The following RAD21 variants were observed in gnomAD, a reference collection of about 807,000 sequenced individuals.
The protein encoded by RAD21 is double-strand-break repair protein rad21 homolog.
RAD21 carries 18 observed loss-of-function variants against 71.5 expected under a neutral mutation model. That is an observed-to-expected ratio of 0.25 (90% CI 0.17 to 0.37). The LOEUF is 0.37. Ranked by LOEUF, RAD21 falls within the 10% of genes least tolerant of loss-of-function variation. The pLI is 1.00. For synonymous variants in RAD21, 248 were observed against 254.0 expected, an observed-to-expected ratio of 0.98 and a Z score of 0.22; for missense variants, 493 against 769.1, an observed-to-expected ratio of 0.64 and a Z score of 4.25.
intron 8 of RAD21, among the ~76,000 whole-genome samples, chr8:116,855,630 G>T (rs192123836): frequency 1.3e-5 from 2 of 151,952 alleles, no homozygotes; most frequent in East Asian, 3.9e-4. Context: ...CAAACTCCTG[G>T]CCTCAAGTGG....
At chr8:116,852,383 G>C (rs1812369085) in intron 10 of RAD21, 166 bp downstream of exon 10, 2 of 771,726 alleles carry the variant, frequency 2.6e-6, no homozygotes, top group Admixed American at 6.4e-5. Context: ...TGGAAAGACA[G>C]GAGGCTTCAT....
chr8:116,862,086 T>TCTCTTTTTCCATG, intron 3 of RAD21, 146 bp from the exon 4 acceptor site: 1 of 567,312 alleles, frequency 1.8e-6, no homozygotes, highest in Non-Finnish European at 3.1e-6. Flanking sequence ...CACAAGTACT[T>TCTCTTTTTCCATG]CTCTTTTTCC....
In RAD21 at chr8:116,854,284, A is replaced by C. The variant is rs1812418695; in HGVS notation, c.1122T>G (p.Ser374=). The C allele has an allele frequency of 1.9e-6, 3 of 1,613,882 alleles. No homozygotes were observed. Among genetic ancestry groups the C allele is most frequent in the Middle Eastern group, 1.7e-4 (1 of 6,056 alleles). Residue 374 remains serine (S), a synonymous_variant, in exon 9 of 14, where the codon TCT becomes TCG. Coordinates refer to ENST00000297338, the MANE Select transcript of RAD21 (RefSeq NM_006265.3). ...TATTCCACAAAGGCTGAGCAGGTAA[A>C]GAAAACAGTTTTTCTACTCCTCCTG... ...KETGGVEKLF[S]LPAQPLWNNR...
chr8:116,848,918 T>C (rs753236822), intron 13 of RAD21, 28 bp downstream of exon 13: 1 of 1,578,650 alleles, frequency 6.3e-7, no homozygotes, highest in Admixed American at 1.8e-5. Flanking sequence ...TGATGAAGCA[T>C]TTTCCTCTGA....
At chr8:116,869,832 T>A (rs1418640296) in intron 1 of RAD21, among the ~76,000 whole-genome samples, 1 of 152,208 alleles carries the variant, frequency 6.6e-6, no homozygotes, top group Non-Finnish European at 1.5e-5. Flanking sequence ...TGAATTAGCT[T>A]TTCTCTAAAA....
At chr8:116,867,903 C>T (rs1298212283) in intron 1 of RAD21, among the ~76,000 whole-genome samples, 18 of 152,158 alleles carry the variant, frequency 1.2e-4, no homozygotes, top group Admixed American at 1.2e-3. Context: ...ACCATTTTGT[C>T]ACATATGCAG....
intron 4 of RAD21, among the ~76,000 whole-genome samples, chr8:116,859,165 T>C (rs1353633714): frequency 6.6e-6 from 1 of 151,238 alleles, no homozygotes; most frequent in East Asian, 1.9e-4. Flanking sequence ...GGCTATCATA[T>C]AGGCATACCT....
chr8:116,873,818 G>A (rs1408236712), intron 1 of RAD21, among the ~76,000 whole-genome samples: 2 of 152,072 alleles, frequency 1.3e-5, no homozygotes, highest in Non-Finnish European at 2.9e-5. Context: ...AGGGCATCAA[G>A]CATTTATCAG....
intron 1 of RAD21, 140 bp from the exon 2 acceptor site, chr8:116,866,901 A>C (rs550079557): frequency 4.0e-6 from 2 of 503,700 alleles, no homozygotes; most frequent in Middle Eastern, 5.4e-4. Flanking sequence ...TATGTATTTT[A>C]AAAACAACAG....
intron 2 of RAD21, 88 bp downstream of exon 2, chr8:116,866,498 C>A: frequency 1.5e-6 from 2 of 1,290,992 alleles, no homozygotes; most frequent in Middle Eastern, 2.6e-4. Context: ...CTCCAATGCC[C>A]CTACCTAAAA....
intron 13 of RAD21, 27 bp downstream of exon 13, chr8:116,848,919 T>C: frequency 6.3e-7 from 1 of 1,582,062 alleles, no homozygotes; most frequent in Non-Finnish European, 8.6e-7. Context: ...GATGAAGCAT[T>C]TTCCTCTGAG....
In RAD21 at chr8:116,863,167, A is replaced by G. The variant is rs774608930; in HGVS notation, c.237T>C (p.Asn79=). The change falls in exon 3 of 14, where the codon AAT becomes AAC. Residue 79 remains asparagine, a synonymous_variant. Transcript: ENST00000297338. Reference sequence around the variant, plus strand: ...CCATCTTTATCTTAATGAATGCTTCATTACAGTCTGCAAGAAGGTATTTGG... The same window carrying G: ...CCATCTTTATCTTAATGAATGCTTCGTTACAGTCTGCAAGAAGGTATTTGG... The part of the protein sequence containing the change: ...RKAKYLLADC[N]EAFIKIKMAF... The G allele has an allele frequency of 1.2e-6, 2 of 1,611,980 alleles. No individual in the cohort carries two copies. Among genetic ancestry groups the G allele is most frequent in the South Asian group, 1.1e-5 (1 of 90,908 alleles).
chr8:116,874,375 G>A (rs949379660), intron 1 of RAD21: 41 of 169,274 alleles, frequency 2.4e-4, no homozygotes, highest in African/African-American at 8.9e-4. Flanking sequence ...AACAAGCGAT[G>A]ATGCGGGCCC....
intron 2 of RAD21, among the ~76,000 whole-genome samples, chr8:116,864,160 A>G (rs541174864): frequency 6.6e-6 from 1 of 152,080 alleles, no homozygotes; most frequent in Non-Finnish European, 1.5e-5. Context: ...AAACAATGAG[A>G]TAAGACTCCA....
Position 116,856,786 on chromosome 8 carries a change from G to T in RAD21, c.689-15C>A, listed in dbSNP as rs563764546. 219 of 1,480,236 alleles carry T rather than the reference G, an allele frequency of 1.5e-4. 4 individuals carry two copies. In the South Asian group the frequency reaches 2.9e-3, roughly 19 times the overall value. 91.7% of individuals were successfully genotyped at this position (1,480,236 alleles called of 1,614,324 possible). A position where few individuals can be genotyped will look rare whatever the true frequency, so the allele number is the denominator to read the frequency against. ...AAGTTTGTCATCTGAAATAGGGAAT[G>T]TAAGTTAGTTATAATTTGAAAAAGA... On this transcript the variant is annotated splice_polypyrimidine_tract_variant and intron_variant, in intron 6 of 13. Coordinates refer to ENST00000297338, the MANE Select transcript of RAD21 (RefSeq NM_006265.3).
chr8:116,856,259 C>A lies in RAD21; in HGVS notation c.844G>T (p.Asp282Tyr). 6.4e-7 allele frequency: 1 copy of A among 1,563,858 alleles called. No individual in the cohort carries two copies. Among genetic ancestry groups the A allele is most frequent in the Non-Finnish European group, 8.6e-7 (1 of 1,158,620 alleles). Reference sequence around the variant, plus strand: ...ATGGTTGGCATTGGTTCAACGGGATCCACTGAATCAGGACTATCAGGCCCA... The same window carrying A: ...ATGGTTGGCATTGGTTCAACGGGATACACTGAATCAGGACTATCAGGCCCA... The part of the protein sequence containing the change: ...MGGPDSPDSV[D>Y]PVEPMPTMTD... Residue 282 changes from aspartate to tyrosine, a missense_variant, in exon 8 of 14, where the codon GAT becomes TAT. Asp to Tyr is a radical substitution (Grantham distance 160). Around this residue, in one of 5 missense-constraint regions of RAD21, gnomAD observed 165 missense variants for 229.6 expected, o/e 0.72. Coordinates refer to ENST00000297338, the MANE Select transcript of RAD21 (RefSeq NM_006265.3).
Position 116,863,115 on chromosome 8 carries a change from C to G in RAD21, c.274+15G>C. ...GTAAACAACAACAACAAAAACCAAA[C>G]AAGTTTAACAATACCTGGCCGAAAA... On this transcript the variant is annotated intron_variant, in intron 3 of 13. Transcript: ENST00000297338. 1 of 1,587,580 alleles carries G rather than the reference C, an allele frequency of 6.3e-7. No individual in the cohort carries two copies. The highest frequency in any genetic ancestry group is 8.6e-7 in the Non-Finnish European group (1 of 1,163,850).
At chr8:116,861,732 A>T (rs927761573) in intron 4 of RAD21, 109 bp downstream of exon 4, 1 of 701,532 alleles carries the variant, frequency 1.4e-6, no homozygotes, top group African/African-American at 1.8e-5. Context: ...ATATATATGC[A>T]TTTTAGCTGT....
At chr8:116,847,765 T>C in intron 13 of RAD21, 74 bp from the exon 14 acceptor site, 1 of 1,313,582 alleles carries the variant, frequency 7.6e-7, no homozygotes. Flanking sequence ...CTGATACAGT[T>C]TGAATATTTG....
Sources: allele counts gnomAD v4.1 joint callset (sites outside exome capture counted in the v4.1 genomes callset), GRCh38; gene constraint gnomAD v4.1.1; regional missense constraint gnomAD v4.1.1; transcripts MANE v1.5; gene names NCBI Gene and HGNC (gene_info 2026-07-23, HGNC 2026-07-21).